Variants in SLC35F1 observed in about 807,000 individuals in gnomAD.
SLC35F1 encodes the protein chromosome 6 open reading frame 169.
Under a neutral mutation model 48.7 loss-of-function variants are expected in SLC35F1, and 14 were observed. That is an observed-to-expected ratio of 0.29 (90% CI 0.19 to 0.45). The LOEUF (loss-of-function observed/expected upper bound fraction) is 0.45, where lower values mean the gene tolerates loss of function less well. Ranked by LOEUF, SLC35F1 falls within the 20% of genes least tolerant of loss-of-function variation. SLC35F1 has a pLI of 1.00. For missense variants in SLC35F1, 404 were observed against 500.0 expected, an observed-to-expected ratio of 0.81 and a Z score of 1.83; for synonymous variants, 190 against 202.2, an observed-to-expected ratio of 0.94 and a Z score of 0.51.
intron 1 of SLC35F1, among the ~76,000 whole-genome samples, chr6:118,063,729 A>G (rs1359373107): frequency 6.6e-6 from 1 of 152,160 alleles, no homozygotes; most frequent in Non-Finnish European, 1.5e-5. Flanking sequence ...CAGGAGAAGG[A>G]ATCACAGCCT....
At chr6:118,308,639 A>C (rs1050978155) in intron 7 of SLC35F1, among the ~76,000 whole-genome samples, 11 of 152,344 alleles carry the variant, frequency 7.2e-5, no homozygotes, top group African/African-American at 2.4e-4. Flanking sequence ...GTTTAATTAC[A>C]TCTGTGTCTT....
intron 4 of SLC35F1, among the ~76,000 whole-genome samples, chr6:118,273,937 C>T (rs1775889095): frequency 6.6e-6 from 1 of 152,186 alleles, no homozygotes; most frequent in African/African-American, 2.4e-5. Context: ...GAAAAAGTGG[C>T]ACCATTTAGA....
rs538525099 is a variant in SLC35F1, at chr6:118,316,781, C to G, written c.*2529C>G. 1 of 152,190 alleles carries G rather than the reference C, an allele frequency of 6.6e-6. No individual in the cohort carries two copies. The highest frequency in any genetic ancestry group is 6.5e-5 in the Admixed American group (1 of 15,278). The allele number at this position is 152,190 out of a possible 1,614,324, so 9.4% of individuals were successfully genotyped here. A position where few individuals can be genotyped will look rare whatever the true frequency, so the allele number is the denominator to read the frequency against. ...ATGTTAAGATGAATTTGCCGTATAC[C>G]CTTTATCATTCGGTGTCCTTGTACT... On this transcript the variant is annotated 3_prime_UTR_variant, in exon 8 of 8. Transcript: ENST00000360388.
chr6:118,207,383 G>A (rs1225567994), intron 2 of SLC35F1, among the ~76,000 whole-genome samples: 20 of 152,206 alleles, frequency 1.3e-4, no homozygotes, highest in Admixed American at 1.2e-3. Context: ...ATATTTGTAT[G>A]TAATAAATTG....
intron 1 of SLC35F1, among the ~76,000 whole-genome samples, chr6:117,968,856 G>T (rs1562251257): frequency 1.3e-5 from 2 of 152,142 alleles, no homozygotes; most frequent in Non-Finnish European, 2.9e-5. Flanking sequence ...ATTGTTTTGG[G>T]AAAATAACTC....
chr6:118,030,580 T>C (rs1772030945), intron 1 of SLC35F1, among the ~76,000 whole-genome samples: 2 of 151,568 alleles, frequency 1.3e-5, no homozygotes, highest in Non-Finnish European at 2.9e-5. Flanking sequence ...CATCCAGGAG[T>C]CTGGGGGCAA....
intron 6 of SLC35F1, among the ~76,000 whole-genome samples, chr6:118,284,130 C>T (rs977462510): frequency 1.3e-5 from 2 of 152,216 alleles, no homozygotes; most frequent in African/African-American, 2.4e-5. Flanking sequence ...AATCCCTGGT[C>T]TTCATAGTCA....
chr6:118,207,740 A>G (rs1774953970), intron 2 of SLC35F1, among the ~76,000 whole-genome samples: 1 of 152,134 alleles, frequency 6.6e-6, no homozygotes. Context: ...ACAAATTGCT[A>G]TTTCTCTTGC....
At chr6:118,278,581 C>T (rs1055702082) in intron 6 of SLC35F1, among the ~76,000 whole-genome samples, 3 of 152,200 alleles carry the variant, frequency 2.0e-5, no homozygotes, top group Non-Finnish European at 4.4e-5. Context: ...CTAGTGACTT[C>T]GAGGGCTGAC....
chr6:117,957,900 C>T (rs1048323834), intron 1 of SLC35F1, among the ~76,000 whole-genome samples: 19 of 152,190 alleles, frequency 1.2e-4, no homozygotes, highest in African/African-American at 2.9e-4. Flanking sequence ...TTATTTTAGA[C>T]GGTACTCCTA....
intron 2 of SLC35F1, among the ~76,000 whole-genome samples, chr6:118,176,858 T>C (rs1304149133): frequency 6.7e-6 from 1 of 149,438 alleles, no homozygotes; most frequent in African/African-American, 2.6e-5. Flanking sequence ...TTTTTATTTA[T>C]AGTTTAAATT....
intron 1 of SLC35F1, among the ~76,000 whole-genome samples, chr6:118,102,659 A>G (rs1160312900): frequency 6.6e-6 from 1 of 152,234 alleles, no homozygotes; most frequent in African/African-American, 2.4e-5. Flanking sequence ...GAAAGCAGCC[A>G]CTGCTGTGCA....
intron 1 of SLC35F1, among the ~76,000 whole-genome samples, chr6:117,964,859 C>T (rs34729097): frequency 0.34 from 51,921 of 151,966 alleles, 9,006 homozygotes; most frequent in Admixed American, 0.4. Context: ...GCAGAGGAGA[C>T]GGGAGGTCAG....
intron 6 of SLC35F1, among the ~76,000 whole-genome samples, 196 bp downstream of exon 6, chr6:118,277,742 A>G (rs181185859): frequency 2.4e-4 from 36 of 152,266 alleles, no homozygotes; most frequent in African/African-American, 8.4e-4. Flanking sequence ...AGTGTTTCCT[A>G]ATTGAGCTTC....
intron 1 of SLC35F1, among the ~76,000 whole-genome samples, chr6:117,909,408 C>T (rs951352801): frequency 3.3e-5 from 5 of 151,626 alleles, no homozygotes; most frequent in African/African-American, 1.2e-4. Flanking sequence ...ATATTTTGCT[C>T]AGTTTCTTTT....
chr6:118,081,252 A>G (rs1772903513), intron 1 of SLC35F1, among the ~76,000 whole-genome samples: 1 of 152,194 alleles, frequency 6.6e-6, no homozygotes. Context: ...TTTCACACAT[A>G]CAAAAATGCT....
chr6:117,991,480 A>T (rs935426781), intron 1 of SLC35F1, among the ~76,000 whole-genome samples: 1 of 152,144 alleles, frequency 6.6e-6, no homozygotes, highest in Non-Finnish European at 1.5e-5. Context: ...AAGTTTTTTT[A>T]AATCTTGATT....
At chr6:117,995,514 G>A (rs546706300) in intron 1 of SLC35F1, among the ~76,000 whole-genome samples, 36 of 152,244 alleles carry the variant, frequency 2.4e-4, no homozygotes, top group African/African-American at 5.3e-4. Context: ...AGGCCGAGGC[G>A]GGCGGATCAT....
chr6:118,048,189 G>A (rs553889400), intron 1 of SLC35F1, among the ~76,000 whole-genome samples: 11 of 152,284 alleles, frequency 7.2e-5, no homozygotes, highest in Admixed American at 7.2e-4. Flanking sequence ...TACATTTATT[G>A]ATTTGCGTAT....
Sources: allele counts gnomAD v4.1 joint callset (sites outside exome capture counted in the v4.1 genomes callset), GRCh38; gene constraint gnomAD v4.1.1; transcripts MANE v1.5; gene names NCBI Gene and HGNC (gene_info 2026-07-23, HGNC 2026-07-21).